Variants in SLC66A1 observed in about 807,000 individuals in gnomAD.
SLC66A1 encodes the protein solute carrier family 66 member 1, also known as lysosomal amino acid transporter 1 homolog.
A neutral mutation model predicts 33.0 loss-of-function variants in SLC66A1; 23 were observed. The observed-to-expected ratio is 0.70, with a 90% CI of 0.50 to 0.99. SLC66A1 has a LOEUF of 0.99. SLC66A1 is among the 50% of genes least tolerant of loss of function. The pLI is 0.00. For missense variants in SLC66A1, 335 were observed against 383.6 expected (o/e 0.87, Z 1.06); for synonymous variants, 164 against 175.5 (o/e 0.93, Z 0.52).
At position 19,329,082 on chromosome 1, in the gene SLC66A1, C is replaced by A; in HGVS notation, c.*439C>A. 1 of 181,158 alleles carries A rather than the reference C, an allele frequency of 5.5e-6. No individual in the cohort carries two copies. Among genetic ancestry groups the A allele is most frequent in the South Asian group, 1.1e-4 (1 of 8,832 alleles). 11.2% of individuals were successfully genotyped at this position (181,158 alleles called of 1,614,324 possible). ...GACCAGCCTGGCCAACATGGTGAAACCCCATCTCTACTAAAAATACAAAAA... is the reference window on the plus strand; with the variant it reads ...GACCAGCCTGGCCAACATGGTGAAAACCCATCTCTACTAAAAATACAAAAA... On this transcript the variant is annotated 3_prime_UTR_variant, in exon 8 of 8. Coordinates refer to ENST00000375153, the MANE Select transcript of SLC66A1 (RefSeq NM_001040125.2).
intron 1 of SLC66A1, among the ~76,000 whole-genome samples, chr1:19,317,208 CTG>C (rs1185701158): frequency 6.6e-6 from 1 of 152,168 alleles, no homozygotes; most frequent in African/African-American, 2.4e-5. Context: ...GTTCAACACA[CTG>C]TGTATGAACT....
At chr1:19,330,862 C>T (rs1007239264), downstream of SLC66A1, among the ~76,000 whole-genome samples, 2 of 152,200 alleles carry the variant, frequency 1.3e-5, no homozygotes, top group Non-Finnish European at 2.9e-5. Context: ...GGGCCAGTCT[C>T]CCCTGCCCTG....
chr1:19,315,344 T>G (rs1012228515), intron 1 of SLC66A1, among the ~76,000 whole-genome samples: 1 of 152,230 alleles, frequency 6.6e-6, no homozygotes. Context: ...GCTTTCAGCC[T>G]CCCTGCCTGT....
chr1:19,312,799 A>C lies in SLC66A1; in HGVS notation c.-169A>C, dbSNP rs2093784053. ...GACGCCGAGGCCTGGAGTGGGTGGT[A>C]GCCCCGAGCTGGGACGCTCCTCCCT... On this transcript the variant is annotated 5_prime_UTR_variant, in exon 1 of 8. It removes the in-frame stop codon of an upstream open reading frame in the 5' UTR. Coordinates refer to ENST00000375153, the MANE Select transcript of SLC66A1 (RefSeq NM_001040125.2). 1 of 153,040 alleles carries C rather than the reference A, an allele frequency of 6.5e-6. No individual in the cohort carries two copies. Among genetic ancestry groups the C allele is most frequent in the Admixed American group, 6.5e-5 (1 of 15,298 alleles). The allele number at this position is 153,040 out of a possible 1,614,324, so 9.5% of individuals were successfully genotyped here.
chr1:19,331,306 G>A (rs930434892), downstream of SLC66A1, among the ~76,000 whole-genome samples: 13 of 152,134 alleles, frequency 8.5e-5, no homozygotes, highest in Admixed American at 2.0e-4. Flanking sequence ...CACCGCGCCC[G>A]GCCAAGATGG....
chr1:19,327,033 C>T (rs1011304421), intron 6 of SLC66A1, among the ~76,000 whole-genome samples, 194 bp from the exon 7 acceptor site: 3 of 152,206 alleles, frequency 2.0e-5, no homozygotes, highest in Admixed American at 1.3e-4. Context: ...TGGACCTGGG[C>T]AGGGGCCTGG....
chr1:19,317,900 CAGCTACTGCTCAGCG>C (rs1388982227), intron 2 of SLC66A1, 59 bp downstream of exon 2: 1 of 1,574,608 alleles, frequency 6.4e-7, no homozygotes, highest in Non-Finnish European at 8.6e-7. Flanking sequence ...GCAGTGGCTC[CAGCTACTGCTCAGCG>C]AGGGGTTGTC....
At chr1:19,330,982 C>T (rs1384545735), downstream of SLC66A1, among the ~76,000 whole-genome samples, 1 of 152,232 alleles carries the variant, frequency 6.6e-6, no homozygotes, top group Non-Finnish European at 1.5e-5. Flanking sequence ...ACGAGATCTC[C>T]CCGTCTTCAC....
At chr1:19,324,503 C>T (rs1219047374) in intron 2 of SLC66A1, 130 bp from the exon 3 acceptor site, 2 of 1,175,676 alleles carry the variant, frequency 1.7e-6, no homozygotes, top group Non-Finnish European at 2.4e-6. Flanking sequence ...GGAGGATGGG[C>T]CGCCAGGCCA....
chr1:19,323,844 G>GT (rs1287824496), intron 2 of SLC66A1, among the ~76,000 whole-genome samples: 1 of 152,226 alleles, frequency 6.6e-6, no homozygotes, highest in African/African-American at 2.4e-5. Flanking sequence ...AATCCGAGTG[G>GT]TATGGCACGG....
intron 2 of SLC66A1, among the ~76,000 whole-genome samples, chr1:19,323,749 T>C (rs775177475): frequency 2.0e-5 from 3 of 152,178 alleles, no homozygotes. Context: ...CCTTCATGCA[T>C]GCAGGTGGTT....
Position 19,319,605 on chromosome 1 carries a change from G to GTTTTTTTTTTTTTTT in SLC66A1, c.164+1766_164+1780dup, listed in dbSNP as rs569177720. On this transcript the variant is annotated intron_variant, in intron 2 of 7. Coordinates refer to ENST00000375153, the MANE Select transcript of SLC66A1 (RefSeq NM_001040125.2). ...GATTAATGTTGCTGTGCACATTCAT[G>GTTTTTTTTTTTTTTT]TTTTTTTTTTTTTTTTGCCTGGTGC... Among the ~76,000 whole-genome samples, 19 of 111,848 alleles carry GTTTTTTTTTTTTTTT rather than the reference G, an allele frequency of 1.7e-4. 1 individual carries two copies. The highest frequency in any genetic ancestry group is 6.4e-4 in the African/African-American group (16 of 24,830). 73.4% of individuals were successfully genotyped at this position (111,848 alleles called of 152,430 possible).
chr1:19,316,075 G>T (rs2093803447), intron 1 of SLC66A1, among the ~76,000 whole-genome samples: 2 of 152,176 alleles, frequency 1.3e-5, no homozygotes, highest in Admixed American at 6.5e-5. Flanking sequence ...TGTCACGCAG[G>T]CAATGACTGC....
At chr1:19,315,617 C>T (rs980290923) in intron 1 of SLC66A1, among the ~76,000 whole-genome samples, 1 of 152,192 alleles carries the variant, frequency 6.6e-6, no homozygotes, top group Non-Finnish European at 1.5e-5. Context: ...CTAGAGACAG[C>T]CCCCACCTGG....
chr1:19,328,445 C>A lies in SLC66A1; in HGVS notation c.805-127C>A. ...GTAGCGGCTGGGAGGTTATGGCTGGCCCTTCCCACCTGCAGCGTGGGGGTG... is the reference window on the plus strand; with the variant it reads ...GTAGCGGCTGGGAGGTTATGGCTGGACCTTCCCACCTGCAGCGTGGGGGTG... On this transcript the variant is annotated intron_variant, in intron 7 of 7. Coordinates refer to ENST00000375153, the MANE Select transcript of SLC66A1 (RefSeq NM_001040125.2). This position sits in a 1 kb window ranked among gnomAD's most constrained non-coding sequence, Gnocchi z 4.7. 1 of 827,978 alleles carries A rather than the reference C, an allele frequency of 1.2e-6. No homozygotes were observed. Among genetic ancestry groups the A allele is most frequent in the South Asian group, 1.6e-5 (1 of 62,242 alleles). The allele number at this position is 827,978 out of a possible 1,614,324, so 51.3% of individuals were successfully genotyped here. A position where few individuals can be genotyped will look rare whatever the true frequency, so the allele number is the denominator to read the frequency against.
At chr1:19,333,441 C>G (rs1171144590), downstream of SLC66A1, among the ~76,000 whole-genome samples, 3 of 152,260 alleles carry the variant, frequency 2.0e-5, no homozygotes, top group East Asian at 3.9e-4. The surrounding 1 kb of genome is among the most constrained non-coding windows in gnomAD (Gnocchi z 4.2). Context: ...CTCAGCCTCC[C>G]AAATTTGCTG....
intron 6 of SLC66A1, 73 bp from the exon 7 acceptor site, chr1:19,327,154 C>T (rs2093872472): frequency 7.1e-7 from 1 of 1,405,920 alleles, no homozygotes; most frequent in Admixed American, 1.8e-5. Context: ...GGCAGGTGGA[C>T]ATGTGGACAG....
chr1:19,317,186 A>T (rs1445460816), intron 1 of SLC66A1, among the ~76,000 whole-genome samples: 1 of 152,138 alleles, frequency 6.6e-6, no homozygotes, highest in Non-Finnish European at 1.5e-5. Context: ...AAAAGGTAAC[A>T]TCGAGGGCTC....
At chr1:19,327,704 T>G (rs2093876926) in intron 7 of SLC66A1, 1 of 590,016 alleles carries the variant, frequency 1.7e-6, no homozygotes, top group South Asian at 1.5e-5. Context: ...ATCAAAGAAT[T>G]ACTTCATTGC....
Sources: allele counts gnomAD v4.1 joint callset (sites outside exome capture counted in the v4.1 genomes callset), GRCh38; gene constraint gnomAD v4.1.1; non-coding constraint Gnocchi (gnomAD v3.1); transcripts MANE v1.5; gene names NCBI Gene and HGNC (gene_info 2026-07-23, HGNC 2026-07-21).